ASTN2: variants seen among roughly 807,000 people sequenced by gnomAD.
The protein encoded by ASTN2 is astrotactin-2.
A neutral mutation model predicts 139.8 loss-of-function variants in ASTN2; 54 were observed. The ratio of observed to expected loss-of-function variants is 0.39; its 90% CI spans 0.31 to 0.48. The LOEUF (loss-of-function observed/expected upper bound fraction) is 0.48. ASTN2 is among the 20% of genes least tolerant of loss of function. The pLI, the probability that ASTN2 is intolerant of heterozygous loss-of-function variation, is 0.95. For missense variants in ASTN2, 1,565 were observed against 1,725.1 expected (o/e 0.91, Z 1.64); for synonymous variants, 756 against 719.5 (o/e 1.05, Z -0.81).
At chr9:116,514,052 T>C (rs1850528802) in intron 19 of ASTN2, among the ~76,000 whole-genome samples, 1 of 151,986 alleles carries the variant, frequency 6.6e-6, no homozygotes, top group Non-Finnish European at 1.5e-5. Context: ...AGGAGCTGCG[T>C]TCCTTTGGAG....
rs148013478 is a variant in ASTN2, at chr9:116,620,387, G to A, written c.3129C>T (p.Ile1043=). Reference sequence around the variant, plus strand: ...TGAGGTCACACCTGCACCAGTCATCGATCACATCCCCTTTCCCTGAGCACC... The same window carrying A: ...TGAGGTCACACCTGCACCAGTCATCAATCACATCCCCTTTCCCTGAGCACC... ...SYWCSGKGDV[I]DDWCRCDLSA... The change falls in exon 18 of 23, where the codon ATC becomes ATT. Residue 1043 remains isoleucine, a synonymous_variant. Coordinates refer to ENST00000313400, the MANE Select transcript of ASTN2 (RefSeq NM_001365068.1). 2.9e-5 allele frequency: 46 copies of A among 1,613,998 alleles called. No homozygotes were observed. The highest frequency in any genetic ancestry group is 3.6e-5 in the Non-Finnish European group (42 of 1,180,034).
intron 19 of ASTN2, among the ~76,000 whole-genome samples, chr9:116,534,547 T>G (rs775621957): frequency 5.3e-5 from 8 of 152,360 alleles, no homozygotes; most frequent in Admixed American, 2.0e-4. Context: ...TCCCAGAGAT[T>G]CTTGTATGTT....
intron 19 of ASTN2, among the ~76,000 whole-genome samples, chr9:116,530,263 C>G (rs948181613): frequency 7.3e-5 from 11 of 149,996 alleles, no homozygotes; most frequent in Admixed American, 1.3e-4. Context: ...AAGACAAATA[C>G]CATACGATCT....
chr9:116,442,101 G>A (rs1485402826), intron 21 of ASTN2, among the ~76,000 whole-genome samples: 2 of 152,162 alleles, frequency 1.3e-5, no homozygotes, highest in African/African-American at 2.4e-5. Flanking sequence ...AACGACAAGT[G>A]GGAGAAAATG....
intron 19 of ASTN2, among the ~76,000 whole-genome samples, chr9:116,603,664 T>C (rs116462031): frequency 3.9e-4 from 59 of 152,308 alleles, no homozygotes; most frequent in African/African-American, 1.4e-3. Flanking sequence ...AACAATGTCA[T>C]AGACACAAGG....
chr9:117,414,643 G>GCGGCTCCGGCCCCGGTCC lies in ASTN2; in HGVS notation c.278_295dup (p.Gly93_Ala98dup). On this transcript the variant is annotated inframe_insertion, in exon 1 of 23. Transcript: ENST00000313400. The surrounding 1 kb of genome is among the most constrained non-coding windows in gnomAD (Gnocchi z 4.2). ...AGAGCCCGGGGACGCGGCGGCGGCGGCGGCTCCGGCCCCGGTCCCAGCCCC... is the reference window on the plus strand; with the variant it reads ...AGAGCCCGGGGACGCGGCGGCGGCGGCGGCTCCGGCCCCGGTCCCGGCTCCGGCCCCGGTCCCAGCCCC... The GCGGCTCCGGCCCCGGTCC allele has an allele frequency of 5.0e-6, 7 of 1,387,014 alleles. No homozygotes were observed. Among genetic ancestry groups the GCGGCTCCGGCCCCGGTCC allele is most frequent in the Admixed American group, 3.2e-5 (1 of 31,550 alleles). 85.9% of individuals were successfully genotyped at this position (1,387,014 alleles called of 1,614,324 possible). A position where few individuals can be genotyped will look rare whatever the true frequency, so the allele number is the denominator to read the frequency against.
In ASTN2 at chr9:117,169,572, A is replaced by G. The variant is rs865877429; in HGVS notation, c.1016-28094T>C. ...ATAAAACAGCCCATTCTGTTCCCCC[A>G]AACAATGACAGGATGATGCGGCAGA... On this transcript the variant is annotated intron_variant, in intron 3 of 22. Coordinates refer to ENST00000313400, the MANE Select transcript of ASTN2 (RefSeq NM_001365068.1). 3.2e-4 allele frequency among the ~76,000 whole-genome samples: 49 copies of G among 152,278 alleles called. No individual in the cohort carries two copies. The Middle Eastern group carries it at 0.014, about 42-fold the overall frequency.
At chr9:116,984,328 A>G (rs910350641) in intron 7 of ASTN2, among the ~76,000 whole-genome samples, 1 of 152,156 alleles carries the variant, frequency 6.6e-6, no homozygotes, top group Admixed American at 6.5e-5. Flanking sequence ...GGCCCTCCCC[A>G]AAAACTCTCA....
chr9:116,841,731 C>T (rs904154658), intron 11 of ASTN2, among the ~76,000 whole-genome samples: 4 of 152,124 alleles, frequency 2.6e-5, no homozygotes, highest in Non-Finnish European at 4.4e-5. Flanking sequence ...ACTCCTTCCT[C>T]ACTAGGCTTG....
At chr9:116,569,315 A>G (rs1853394228) in intron 19 of ASTN2, among the ~76,000 whole-genome samples, 1 of 152,228 alleles carries the variant, frequency 6.6e-6, no homozygotes, top group African/African-American at 2.4e-5. Flanking sequence ...GGCCTAACAG[A>G]AGCATGGTGA....
rs115177181 is a variant in ASTN2, at chr9:117,035,078, T to C, written c.1423+4741A>G. 1.6e-3 allele frequency among the ~76,000 whole-genome samples: 244 copies of C among 152,260 alleles called. 1 individual carries two copies. Among genetic ancestry groups the C allele is most frequent in the African/African-American group, 5.6e-3 (234 of 41,558 alleles). On this transcript the variant is annotated intron_variant, in intron 6 of 22. Coordinates refer to ENST00000313400, the MANE Select transcript of ASTN2 (RefSeq NM_001365068.1). ...GCACCACGGACAGCTCAATGTGTAATGGTAGCTGAGAGCTCTCTCTACTAA... is the reference window on the plus strand; with the variant it reads ...GCACCACGGACAGCTCAATGTGTAACGGTAGCTGAGAGCTCTCTCTACTAA...
chr9:117,078,407 A>G (rs1828336072), intron 5 of ASTN2, among the ~76,000 whole-genome samples: 1 of 152,154 alleles, frequency 6.6e-6, no homozygotes. Flanking sequence ...TTGTATCCCA[A>G]AGCCATTACT....
At chr9:117,173,675 G>A (rs149054849) in intron 3 of ASTN2, among the ~76,000 whole-genome samples, 4 of 151,870 alleles carry the variant, frequency 2.6e-5, no homozygotes, top group African/African-American at 7.2e-5. Flanking sequence ...CAACATGCAC[G>A]CTACATAGCA....
chr9:116,845,589 C>A (rs1832404926), intron 11 of ASTN2, among the ~76,000 whole-genome samples: 1 of 152,140 alleles, frequency 6.6e-6, no homozygotes, highest in Non-Finnish European at 1.5e-5. Context: ...AGACATTTCT[C>A]TAAAAATGAT....
intron 3 of ASTN2, among the ~76,000 whole-genome samples, chr9:117,180,111 A>G (rs1232731394): frequency 6.6e-6 from 1 of 152,206 alleles, no homozygotes; most frequent in Non-Finnish European, 1.5e-5. Flanking sequence ...TTTGATTCAC[A>G]GAGTAGTCTT....
intron 7 of ASTN2, among the ~76,000 whole-genome samples, chr9:117,005,554 A>C (rs1216230104): frequency 6.6e-6 from 1 of 152,180 alleles, no homozygotes; most frequent in Non-Finnish European, 1.5e-5. Flanking sequence ...GGCTGCCTGG[A>C]CAACAGAAGC....
intron 6 of ASTN2, among the ~76,000 whole-genome samples, chr9:117,016,617 TATCTATC>T (rs1564385782): frequency 0.012 from 46 of 3,932 alleles, 3 homozygotes; most frequent in East Asian, 0.04. Context: ...TATCTATATC[TATCTATC>T]TATATATATA....
intron 5 of ASTN2, among the ~76,000 whole-genome samples, chr9:117,079,499 G>C (rs1325296262): frequency 6.6e-6 from 1 of 152,096 alleles, no homozygotes; most frequent in African/African-American, 2.4e-5. Flanking sequence ...ATGCAGATAG[G>C]GTTGGGAACC....
intron 13 of ASTN2, among the ~76,000 whole-genome samples, chr9:116,779,581 T>C (rs1302558935): frequency 6.6e-6 from 1 of 152,150 alleles, no homozygotes; most frequent in African/African-American, 2.4e-5. Flanking sequence ...CACCTTTGAG[T>C]TCCCCCGACA....
Sources: allele counts gnomAD v4.1 joint callset (sites outside exome capture counted in the v4.1 genomes callset), GRCh38; gene constraint gnomAD v4.1.1; non-coding constraint Gnocchi (gnomAD v3.1); transcripts MANE v1.5; gene names NCBI Gene and HGNC (gene_info 2026-07-23, HGNC 2026-07-21).